The following HMGN5 variants were observed in gnomAD, a reference collection of about 807,000 sequenced individuals.
The protein encoded by HMGN5 is high mobility group nucleosome-binding domain-containing protein 5.
In HMGN5, 4 loss-of-function variants were observed where a neutral mutation model predicts 9.5. The ratio of observed to expected loss-of-function variants is 0.42; its 90% CI spans 0.21 to 0.96. The LOEUF is 0.96. Ranked by LOEUF, HMGN5 falls within the 40% of genes least tolerant of loss-of-function variation. The probability of loss-of-function intolerance (pLI) is 0.30; values close to 1 mark genes in which losing one functional copy is unlikely to be tolerated. For missense variants in HMGN5, 192 were observed against 187.5 expected, an observed-to-expected ratio of 1.02 and a Z score of -0.14; for synonymous variants, 55 against 57.1, an observed-to-expected ratio of 0.96 and a Z score of 0.16.
chrX:81,127,915 T>C (rs1408809331), intron 1 of HMGN5, among the ~76,000 whole-genome samples: 1 of 111,288 alleles, frequency 9.0e-6, no homozygotes, highest in Non-Finnish European at 1.9e-5. Flanking sequence ...AACAAAGGTA[T>C]TAAATTTTAA....
At chrX:81,155,259 A>T (rs2075380011) in intron 1 of HMGN5, among the ~76,000 whole-genome samples, 1 of 104,537 alleles carries the variant, frequency 9.6e-6, no homozygotes, top group East Asian at 2.9e-4. Flanking sequence ...TAAATTATAG[A>T]TATTATAATT....
chrX:81,169,606 G>T (rs772428528), intron 1 of HMGN5, among the ~76,000 whole-genome samples: 3 of 111,717 alleles, frequency 2.7e-5, no homozygotes, highest in South Asian at 3.8e-4. Context: ...ATTAGACAGG[G>T]TGATTCAAAT....
rs757753653 is a variant in HMGN5 at position 81,183,669 on chromosome X, C to A, written c.-124+18068G>T. Among the ~76,000 whole-genome samples, 5 of 112,979 alleles carry A rather than the reference C, an allele frequency of 4.4e-5. No homozygotes were observed. In the East Asian group the frequency reaches 8.4e-4, roughly 19 times the overall value. On this transcript the variant is annotated intron_variant, in intron 1 of 6. Coordinates refer to ENST00000358130, the MANE Select transcript of HMGN5 (RefSeq NM_030763.3). ...CAGGGGTGGAGCCCTCATGGAGAAC[C>A]TCTGCTAGGGCAGCATGGAGGGGAA... is the stretch of plus-strand genomic sequence containing the variant.
intron 1 of HMGN5, among the ~76,000 whole-genome samples, chrX:81,190,062 C>T (rs759508434): frequency 9.0e-6 from 1 of 111,657 alleles, no homozygotes; most frequent in African/African-American, 3.2e-5. Context: ...AGATCTTTGG[C>T]CCATTTTTAT....
intron 1 of HMGN5, among the ~76,000 whole-genome samples, chrX:81,142,393 A>G (rs1027260171): frequency 2.7e-5 from 3 of 111,941 alleles, no homozygotes; most frequent in Admixed American, 1.9e-4. Context: ...ATTTAACTCA[A>G]AGAAGACTAC....
intron 2 of HMGN5, 137 bp downstream of exon 2, chrX:81,121,398 C>T: frequency 3.3e-6 from 2 of 598,806 alleles, no homozygotes; most frequent in East Asian, 3.5e-5. Flanking sequence ...CCCTTCTACC[C>T]CTTTCCGTTT....
At chrX:81,199,265 G>C (rs1305813496) in intron 1 of HMGN5, among the ~76,000 whole-genome samples, 1 of 112,001 alleles carries the variant, frequency 8.9e-6, no homozygotes, top group Non-Finnish European at 1.9e-5. Context: ...CGTGCTCATG[G>C]ATAGGAAGAA....
intron 1 of HMGN5, among the ~76,000 whole-genome samples, chrX:81,171,622 G>A (rs956104054): frequency 9.9e-5 from 11 of 111,461 alleles, no homozygotes; most frequent in African/African-American, 1.3e-4. Flanking sequence ...AGAAATATCC[G>A]TGGTTTTCCT....
At chrX:81,128,263 G>GAAATATAAAATATTTCAATAT (rs2147544250) in intron 1 of HMGN5, among the ~76,000 whole-genome samples, 4 of 110,857 alleles carry the variant, frequency 3.6e-5, no homozygotes, top group African/African-American at 1.3e-4. Flanking sequence ...ATTTTATATT[G>GAAATATAAAATATTTCAATAT]AAATGAGTAA....
chrX:81,118,831 C>A, intron 3 of HMGN5, 72 bp from the exon 4 acceptor site: 2 of 708,749 alleles, frequency 2.8e-6, no homozygotes, highest in Non-Finnish European at 2.1e-6. Context: ...TTATTGAGGT[C>A]AAAATATTTG....
chrX:81,119,761 A>G, intron 3 of HMGN5, 27 bp downstream of exon 3: 1 of 1,184,998 alleles, frequency 8.4e-7, no homozygotes, highest in Non-Finnish European at 1.1e-6. Flanking sequence ...GTTTTTCCTA[A>G]TAGATGCTAA....
chrX:81,127,864 T>A (rs147597903), intron 1 of HMGN5, among the ~76,000 whole-genome samples: 1,564 of 111,688 alleles, frequency 0.014, 16 homozygotes, highest in Middle Eastern at 0.065. Flanking sequence ...TAACATTAAC[T>A]GTATAGTCCT....
At chrX:81,144,053 G>A (rs755956156) in intron 1 of HMGN5, among the ~76,000 whole-genome samples, 2 of 111,752 alleles carry the variant, frequency 1.8e-5, no homozygotes, top group African/African-American at 3.2e-5. Context: ...CTTGGGGGAA[G>A]GAACAGCTGT....
At chrX:81,135,015 A>G (rs1398691990) in intron 1 of HMGN5, among the ~76,000 whole-genome samples, 2 of 111,806 alleles carry the variant, frequency 1.8e-5, no homozygotes, top group African/African-American at 3.2e-5. Context: ...GAAAACAATA[A>G]AACTCTTATA....
At chrX:81,148,998 G>A (rs1037289082) in intron 1 of HMGN5, among the ~76,000 whole-genome samples, 6 of 111,661 alleles carry the variant, frequency 5.4e-5, no homozygotes, top group Non-Finnish European at 1.1e-4. Flanking sequence ...GAGAGGATGT[G>A]GAGAAATAGG....
chrX:81,194,607 C>T (rs935163691), intron 1 of HMGN5, among the ~76,000 whole-genome samples: 9 of 111,682 alleles, frequency 8.1e-5, no homozygotes, highest in African/African-American at 2.9e-4. Context: ...GAATGAGGAC[C>T]TTACACTACT....
intron 1 of HMGN5, among the ~76,000 whole-genome samples, chrX:81,180,513 C>T (rs148660734): frequency 8.9e-6 from 1 of 111,992 alleles, no homozygotes; most frequent in South Asian, 3.7e-4. Context: ...CCATCTTGTG[C>T]CAGTTAGAAT....
intron 4 of HMGN5, 54 bp from the exon 5 acceptor site, chrX:81,118,539 AAG>A (rs2075260567): frequency 2.0e-6 from 2 of 980,547 alleles, no homozygotes; most frequent in African/African-American, 3.9e-5. Context: ...TATTTGAAGA[AAG>A]AACGCTAAAA....
intron 1 of HMGN5, among the ~76,000 whole-genome samples, chrX:81,188,218 C>T (rs1354667529): frequency 2.8e-5 from 3 of 108,677 alleles, no homozygotes; most frequent in Non-Finnish European, 3.8e-5. Context: ...CCCACCTCAG[C>T]CTCCTGAGTA....
Sources: allele counts gnomAD v4.1 joint callset (sites outside exome capture counted in the v4.1 genomes callset), GRCh38; gene constraint gnomAD v4.1.1; transcripts MANE v1.5; gene names NCBI Gene and HGNC (gene_info 2026-07-23, HGNC 2026-07-21).